Variants in HACE1 observed in about 807,000 individuals in gnomAD.
HACE1 encodes the protein E3 ubiquitin-protein ligase HACE1.
Under a neutral mutation model 118.4 loss-of-function variants are expected in HACE1, and 73 were observed. The observed-to-expected ratio is 0.62, with a 90% CI of 0.51 to 0.75. HACE1 has a LOEUF of 0.75. HACE1 is among the 30% of genes least tolerant of loss of function. The pLI is 0.00. For synonymous variants in HACE1, 368 were observed against 374.8 expected (o/e 0.98, Z 0.21); for missense variants, 749 against 1,102.2 (o/e 0.68, Z 4.54).
chr6:104,758,964 C>T (rs990944602), intron 19 of HACE1, among the ~76,000 whole-genome samples: 2 of 151,876 alleles, frequency 1.3e-5, no homozygotes, highest in African/African-American at 4.8e-5. Context: ...AAGGACATTA[C>T]ATAATGGTAA....
intron 5 of HACE1, among the ~76,000 whole-genome samples, chr6:104,835,421 T>A (rs1284969383): frequency 6.6e-6 from 1 of 152,106 alleles, no homozygotes; most frequent in Admixed American, 6.5e-5. Flanking sequence ...GAGAAAAGGA[T>A]ACTATTTTTT....
At chr6:104,825,071 G>A (rs1773174009) in intron 6 of HACE1, among the ~76,000 whole-genome samples, 2 of 91,104 alleles carry the variant, frequency 2.2e-5, no homozygotes, top group Non-Finnish European at 5.0e-5. Flanking sequence ...GACAGAGCAA[G>A]ACTCCGTCTC....
intron 19 of HACE1, among the ~76,000 whole-genome samples, chr6:104,753,482 C>T (rs1448854323): frequency 2.0e-5 from 3 of 152,194 alleles, no homozygotes; most frequent in Non-Finnish European, 4.4e-5. Context: ...CTTATAGGTG[C>T]ATGCAGGCCA....
At chr6:104,738,972 G>C (rs1443864302) in intron 22 of HACE1, among the ~76,000 whole-genome samples, 2 of 148,092 alleles carry the variant, frequency 1.4e-5, no homozygotes, top group Non-Finnish European at 3.0e-5. Context: ...CGGATCTCTC[G>C]GCAGAAACCC....
chr6:104,828,711 C>T (rs1773569008), intron 6 of HACE1, among the ~76,000 whole-genome samples: 1 of 151,978 alleles, frequency 6.6e-6, no homozygotes, highest in Non-Finnish European at 1.5e-5. Context: ...AGACCTTTAT[C>T]ATGTTTACCT....
rs1554265071 is a variant in HACE1 at position 104,852,385 on chromosome 6, A to AAAG, written c.77-15_77-14insCTT. 5.0e-6 allele frequency: 6 copies of AAAG among 1,209,188 alleles called. No individual in the cohort carries two copies. The African/African-American group carries it at 7.5e-5, about 15-fold the overall frequency. The allele number at this position is 1,209,188 out of a possible 1,614,324, so 74.9% of individuals were successfully genotyped here. ...CAGTTTCATTATCTGAGTAAAAAAA[A>AAAG]ACAAAGAGTTCATTTATCCCCTACT... On this transcript the variant is annotated splice_polypyrimidine_tract_variant and intron_variant, in intron 1 of 23. Transcript: ENST00000262903.
intron 8 of HACE1, 84 bp from the exon 9 acceptor site, chr6:104,796,840 C>T: frequency 9.3e-7 from 1 of 1,078,266 alleles, no homozygotes; most frequent in East Asian, 2.4e-5. Flanking sequence ...AATCTTTGCA[C>T]CTACCCTTTC....
Position 104,859,680 on chromosome 6 carries a change from C to T in HACE1, c.-38G>A, listed in dbSNP as rs1426656868. On this transcript the variant is annotated 5_prime_UTR_variant, in exon 1 of 24. Coordinates refer to ENST00000262903, the MANE Select transcript of HACE1 (RefSeq NM_020771.4). ...CTCCGCGATCCTCCGCGATCAGCCG[C>T]CCCACCGGCGGCCTCCGCGCCCAGA... 1 of 1,515,214 alleles carries T rather than the reference C, an allele frequency of 6.6e-7. No individual in the cohort carries two copies. The highest frequency in any genetic ancestry group is 8.8e-7 in the Non-Finnish European group (1 of 1,131,402). The allele number at this position is 1,515,214 out of a possible 1,614,324, so 93.9% of individuals were successfully genotyped here.
At chr6:104,809,245 C>T (rs147696453) in intron 7 of HACE1, among the ~76,000 whole-genome samples, 4 of 151,992 alleles carry the variant, frequency 2.6e-5, no homozygotes, top group Admixed American at 6.6e-5. Context: ...GGGAGACAGA[C>T]TATAAGAAAG....
chr6:104,850,775 C>T (rs1776124184), intron 3 of HACE1, 132 bp downstream of exon 3: 1 of 769,428 alleles, frequency 1.3e-6, no homozygotes, highest in East Asian at 2.5e-5. Flanking sequence ...ACACCACGCG[C>T]TCAAACAGGA....
chr6:104,821,970 G>T (rs1562448806), intron 6 of HACE1, among the ~76,000 whole-genome samples: 1 of 152,142 alleles, frequency 6.6e-6, no homozygotes, highest in East Asian at 1.9e-4. Flanking sequence ...GGCTTTGGGA[G>T]ACCAAAGTGG....
At chr6:104,845,363 A>C (rs1582754711) in intron 4 of HACE1, among the ~76,000 whole-genome samples, 1 of 152,318 alleles carries the variant, frequency 6.6e-6, no homozygotes, top group East Asian at 1.9e-4. Flanking sequence ...CTTTTTAGAA[A>C]AAAACAACTG....
At chr6:104,823,966 A>T (rs1773054183) in intron 6 of HACE1, among the ~76,000 whole-genome samples, 1 of 152,226 alleles carries the variant, frequency 6.6e-6, no homozygotes, top group Non-Finnish European at 1.5e-5. Context: ...ATTCAAGTAC[A>T]GAAGAAACCT....
At chr6:104,761,691 G>A (rs1779371669) in intron 19 of HACE1, among the ~76,000 whole-genome samples, 1 of 152,128 alleles carries the variant, frequency 6.6e-6, no homozygotes, top group Non-Finnish European at 1.5e-5. Flanking sequence ...AGACAAAATT[G>A]ACAAATGGGA....
intron 2 of HACE1, among the ~76,000 whole-genome samples, chr6:104,851,809 T>C (rs1314191536): frequency 6.6e-6 from 1 of 152,192 alleles, no homozygotes; most frequent in African/African-American, 2.4e-5. Context: ...ATTCAATGGC[T>C]AGCCATGGCA....
chr6:104,815,327 C>T lies in HACE1; in HGVS notation c.535-3934G>A, dbSNP rs541324198. 1.5e-5 allele frequency among the ~76,000 whole-genome samples: 2 copies of T among 137,206 alleles called. 1 individual carries two copies. The highest frequency in any genetic ancestry group is 1.4e-4 in the Admixed American group (2 of 13,986). 90.0% of individuals were successfully genotyped at this position (137,206 alleles called of 152,430 possible). A position where few individuals can be genotyped will look rare whatever the true frequency, so the allele number is the denominator to read the frequency against. ...GCCCCTGCCCTAGAGATCTGTGAAACTTTAAACTTGAAAGAGATGAATTAG... is the reference window on the plus strand; with the variant it reads ...GCCCCTGCCCTAGAGATCTGTGAAATTTTAAACTTGAAAGAGATGAATTAG... On this transcript the variant is annotated intron_variant, in intron 6 of 23. Transcript: ENST00000262903.
At chr6:104,786,048 T>G (rs1482387390) in intron 11 of HACE1, 5 of 152,132 alleles carry the variant, frequency 3.3e-5, no homozygotes, top group Non-Finnish European at 7.3e-5. Flanking sequence ...AAATACTGAC[T>G]AGCAGGCCGG....
At chr6:104,766,187 C>T (rs1031043281) in intron 19 of HACE1, among the ~76,000 whole-genome samples, 16 of 152,178 alleles carry the variant, frequency 1.1e-4, no homozygotes, top group Non-Finnish European at 2.1e-4. Context: ...TTGGCATATG[C>T]GTCCTGCACA....
intron 1 of HACE1, among the ~76,000 whole-genome samples, chr6:104,852,948 A>C (rs1776387393): frequency 6.6e-6 from 1 of 152,210 alleles, no homozygotes; most frequent in African/African-American, 2.4e-5. Flanking sequence ...TGAAGTCTTC[A>C]TTGTACTTAC....
Sources: allele counts gnomAD v4.1 joint callset (sites outside exome capture counted in the v4.1 genomes callset), GRCh38; gene constraint gnomAD v4.1.1; transcripts MANE v1.5; gene names NCBI Gene and HGNC (gene_info 2026-07-23, HGNC 2026-07-21).